Variants in VEPH1 observed in about 807,000 individuals in gnomAD.
VEPH1 encodes the protein ventricular zone-expressed PH domain-containing protein homolog 1.
Under a neutral mutation model 85.2 loss-of-function variants are expected in VEPH1, and 80 were observed. The ratio of observed to expected loss-of-function variants is 0.94; its 90% CI spans 0.78 to 1.13. The LOEUF is 1.13. Among genes scored for constraint, VEPH1 ranks in the 50% most tolerant of loss-of-function variants. VEPH1 has a pLI of 0.00. For missense variants in VEPH1, 955 were observed against 980.5 expected, an observed-to-expected ratio of 0.97 and a Z score of 0.35; for synonymous variants, 297 against 348.0, an observed-to-expected ratio of 0.85 and a Z score of 1.63.
At chr3:157,340,914 G>A (rs906947336) in intron 9 of VEPH1, among the ~76,000 whole-genome samples, 1 of 152,168 alleles carries the variant, frequency 6.6e-6, no homozygotes, top group Admixed American at 6.5e-5. Context: ...AGACAAACAG[G>A]GTCTGGGGTG....
Position 157,483,389 on chromosome 3 carries a change from C to G in VEPH1, c.138+11823G>C, listed in dbSNP as rs529754864. 5.3e-5 allele frequency among the ~76,000 whole-genome samples: 8 copies of G among 151,782 alleles called. No homozygotes were observed. The South Asian group carries it at 1.5e-3, about 28-fold the overall frequency. On this transcript the variant is annotated intron_variant, in intron 2 of 13. Transcript: ENST00000362010. ...TTAAAAATTTAATATTACAAAACAC[C>G]CAAGAAAATAAGGCAATATGAGCAC...
chr3:157,498,127 A>G (rs1206870834), intron 1 of VEPH1, among the ~76,000 whole-genome samples: 1 of 152,194 alleles, frequency 6.6e-6, no homozygotes, highest in African/African-American at 2.4e-5. Context: ...CACCTTTAGG[A>G]TAGCTAAGAT....
intron 9 of VEPH1, among the ~76,000 whole-genome samples, chr3:157,356,795 C>T (rs967853452): frequency 6.6e-6 from 1 of 152,194 alleles, no homozygotes; most frequent in Non-Finnish European, 1.5e-5. Context: ...GGAAGAATAA[C>T]ATTCACTTTA....
intron 9 of VEPH1, 29 bp downstream of exon 9, chr3:157,363,335 C>G (rs535761335): frequency 8.5e-6 from 13 of 1,522,550 alleles, no homozygotes; most frequent in Non-Finnish European, 1.1e-5. Context: ...CCTGAAGTTT[C>G]TCAGGTTTGG....
At chr3:157,446,640 A>G (rs960831360) in intron 4 of VEPH1, among the ~76,000 whole-genome samples, 1 of 152,224 alleles carries the variant, frequency 6.6e-6, no homozygotes, top group African/African-American at 2.4e-5. Context: ...CCTGAGTTTT[A>G]CTAAGGCCAA....
intron 5 of VEPH1, among the ~76,000 whole-genome samples, chr3:157,417,081 C>A (rs1159426576): frequency 1.3e-5 from 2 of 150,202 alleles, no homozygotes; most frequent in Non-Finnish European, 3.0e-5. Flanking sequence ...TTTTTTTTTA[C>A]TCTGAATTCC....
intron 4 of VEPH1, chr3:157,459,693 C>A (rs868793901): frequency 1.4e-6 from 2 of 1,388,966 alleles, no homozygotes; most frequent in Non-Finnish European, 9.3e-7. Flanking sequence ...TACTATTTGG[C>A]TTTTTATGCT....
At chr3:157,454,933 T>G (rs1175738290) in intron 4 of VEPH1, among the ~76,000 whole-genome samples, 1 of 152,206 alleles carries the variant, frequency 6.6e-6, no homozygotes, top group African/African-American at 2.4e-5. Context: ...TGTTCTTATT[T>G]ATGGTAGCAT....
chr3:157,263,870 A>G (rs191173365), intron 13 of VEPH1, among the ~76,000 whole-genome samples: 8 of 152,348 alleles, frequency 5.3e-5, no homozygotes, highest in Non-Finnish European at 7.3e-5. Flanking sequence ...CCGAGAATGA[A>G]TTATAATTTT....
Position 157,460,247 on chromosome 3 carries a change from C to A in VEPH1, c.463G>T (p.Ala155Ser). 1 of 1,614,086 alleles carries A rather than the reference C, an allele frequency of 6.2e-7. No individual in the cohort carries two copies. Among genetic ancestry groups the A allele is most frequent in the Non-Finnish European group, 8.5e-7 (1 of 1,180,018 alleles). ...CRNMSNYLSL[A>S]AITKADLLAD... ...AGGAGATCTGCCTTGGTAATTGCAG[C>A]CAGAGACAGGTAGTTAGACATATTC... The change falls in exon 4 of 14, where the codon GCT becomes TCT. Residue 155 changes from alanine (A) to serine (S), a missense_variant. Ala to Ser is a moderately conservative substitution (Grantham distance 99). Transcript: ENST00000362010.
chr3:157,272,510 T>G (rs1168017358), intron 12 of VEPH1, among the ~76,000 whole-genome samples: 2 of 149,434 alleles, frequency 1.3e-5, no homozygotes, highest in East Asian at 3.9e-4. Context: ...CAGGCTGGAG[T>G]GCAGTGACAC....
At chr3:157,396,247 C>CTT (rs1378926651) in intron 6 of VEPH1, among the ~76,000 whole-genome samples, 62 of 152,202 alleles carry the variant, frequency 4.1e-4, no homozygotes, top group African/African-American at 1.4e-3. Context: ...ATCCATGTTC[C>CTT]TGCAAAGGAA....
Position 157,381,255 on chromosome 3 carries a change from C to T in VEPH1, c.1028G>A (p.Gly343Asp). 2 of 1,613,998 alleles carry T rather than the reference C, an allele frequency of 1.2e-6. No individual in the cohort carries two copies. The highest frequency in any genetic ancestry group is 1.1e-5 in the South Asian group (1 of 91,056). ...GCGGAAGATGTCTCTGCTCTGAGGG[C>T]CCAAGATTGAGGAGAAGGTGTCGGT... ...SITDTFSSILGPQSRDIFRMS... is the reference protein window; with the variant it reads ...SITDTFSSILDPQSRDIFRMS... The change falls in exon 7 of 14, where the codon GGC becomes GAC. Residue 343 changes from glycine to aspartate, a missense_variant. Gly to Asp is a moderately conservative substitution (Grantham distance 94, BLOSUM62 -1). Transcript: ENST00000362010.
intron 5 of VEPH1, among the ~76,000 whole-genome samples, chr3:157,418,045 C>T (rs188795375): frequency 1.1e-4 from 16 of 152,256 alleles, no homozygotes; most frequent in African/African-American, 3.1e-4. Context: ...GGTCAACTGT[C>T]GGCATGGCTT....
Position 157,259,930 on chromosome 3 carries a change from C to T in VEPH1, c.*1204G>A, listed in dbSNP as rs1224290142. On this transcript the variant is annotated 3_prime_UTR_variant, in exon 14 of 14. Transcript: ENST00000362010. The stretch of plus-strand genomic sequence containing the variant: ...ACATGGTTGTTCACAAAACTTATTT[C>T]CTTGCAGCCGTAGAGCTCATGGCAG... The T allele has an allele frequency of 2.0e-5, 3 of 152,100 alleles. No homozygotes were observed. Among genetic ancestry groups the T allele is most frequent in the Non-Finnish European group, 2.9e-5 (2 of 68,024 alleles). The allele number at this position is 152,100 out of a possible 1,614,324, so 9.4% of individuals were successfully genotyped here. A position where few individuals can be genotyped will look rare whatever the true frequency, so the allele number is the denominator to read the frequency against.
intron 2 of VEPH1, among the ~76,000 whole-genome samples, chr3:157,473,771 A>G (rs1737197839): frequency 4.6e-5 from 7 of 152,148 alleles, no homozygotes; most frequent in Admixed American, 4.6e-4. Flanking sequence ...TTATAATATT[A>G]TAATTTACAA....
chr3:157,428,518 A>T (rs1456099), intron 4 of VEPH1, 30 bp from the exon 5 acceptor site: 776,691 of 1,600,918 alleles, frequency 0.49, 192,038 homozygotes, highest in Admixed American at 0.6. Flanking sequence ...GGGAATGATG[A>T]CTTTATCAGG....
chr3:157,453,693 T>C (rs1417067013), intron 4 of VEPH1, among the ~76,000 whole-genome samples: 3 of 152,170 alleles, frequency 2.0e-5, no homozygotes, highest in Non-Finnish European at 4.4e-5. Context: ...GGCTGTCTGG[T>C]AGGGGATGTA....
intron 6 of VEPH1, among the ~76,000 whole-genome samples, chr3:157,411,695 C>G (rs973148020): frequency 2.6e-5 from 4 of 152,134 alleles, no homozygotes; most frequent in Non-Finnish European, 5.9e-5. Context: ...TGCTATGGGT[C>G]CCAGGAAGGG....
Sources: allele counts gnomAD v4.1 joint callset (sites outside exome capture counted in the v4.1 genomes callset), GRCh38; gene constraint gnomAD v4.1.1; transcripts MANE v1.5; gene names NCBI Gene and HGNC (gene_info 2026-07-23, HGNC 2026-07-21).